ERI1: variants seen among roughly 807,000 people sequenced by gnomAD.
The protein encoded by ERI1 is 3'-5' exoribonuclease 1.
A neutral mutation model predicts 39.7 loss-of-function variants in ERI1; 39 were observed. That is an observed-to-expected ratio of 0.98 (90% CI 0.76 to 1.28). The LOEUF is 1.28. ERI1 is among the 50% of genes most tolerant of loss of function. ERI1 has a pLI of 0.00. For missense variants in ERI1, 581 were observed against 416.9 expected (o/e 1.39, Z -3.43); for synonymous variants, 204 against 149.6 (o/e 1.36, Z -2.65).
At chr8:9,019,752 G>T (rs1444541906) in intron 5 of ERI1, among the ~76,000 whole-genome samples, 1 of 152,136 alleles carries the variant, frequency 6.6e-6, no homozygotes, top group Non-Finnish European at 1.5e-5. Flanking sequence ...CCTGTTCCCA[G>T]TATAGCAGCT....
rs1797528939 is a variant in ERI1 at position 9,030,732 on chromosome 8, G to T, written c.*698G>T. On this transcript the variant is annotated 3_prime_UTR_variant, in exon 7 of 7. Coordinates refer to ENST00000250263, the MANE Select transcript of ERI1 (RefSeq NM_153332.4). ...ACTTCATAATACATAAATCACTGGG[G>T]TCTTTTTGGATTTGGTTGTTTGATT... The T allele has an allele frequency of 6.6e-6, 1 of 152,062 alleles. No individual in the cohort carries two copies. The highest frequency in any genetic ancestry group is 1.5e-5 in the Non-Finnish European group (1 of 67,988). The allele number at this position is 152,062 out of a possible 1,614,324, so 9.4% of individuals were successfully genotyped here.
At chr8:9,056,958 C>T (rs1798527593) in intron 3 of ERI1, among the ~76,000 whole-genome samples, 3 of 152,130 alleles carry the variant, frequency 2.0e-5, no homozygotes, top group South Asian at 2.1e-4. Flanking sequence ...CTCAGCCTCC[C>T]GAGTAGCTGG....
intron 3 of ERI1, among the ~76,000 whole-genome samples, chr8:9,074,424 C>G (rs1478792220): frequency 6.6e-6 from 1 of 151,896 alleles, no homozygotes; most frequent in Admixed American, 6.6e-5. Context: ...TGCACCTGAT[C>G]CATATTTTTA....
At chr8:9,007,843 T>C (rs544514252) in intron 1 of ERI1, 127 bp from the exon 2 acceptor site, 3 of 1,386,996 alleles carry the variant, frequency 2.2e-6, no homozygotes, top group Non-Finnish European at 2.9e-6. Context: ...CAGTGAACAC[T>C]TTTCATTGAA....
chr8:9,085,254 G>C (rs552094773), intron 3 of ERI1, among the ~76,000 whole-genome samples: 1 of 152,134 alleles, frequency 6.6e-6, no homozygotes, highest in Non-Finnish European at 1.5e-5. Context: ...TGTCACCCAG[G>C]CTGGAGTGCA....
At chr8:9,011,847 A>G (rs1397051928) in intron 3 of ERI1, 95 bp downstream of exon 3, 4 of 875,790 alleles carry the variant, frequency 4.6e-6, no homozygotes, top group South Asian at 2.1e-5. Context: ...TTTAGCCAGA[A>G]TTAGACTTCT....
intron 3 of ERI1, among the ~76,000 whole-genome samples, chr8:9,015,063 C>G (rs543863919): frequency 6.6e-6 from 1 of 152,272 alleles, no homozygotes; most frequent in South Asian, 2.1e-4. Flanking sequence ...TCTTGAACTC[C>G]TGACCTCAAG....
chr8:9,043,330 T>A (rs1233379829), intron 3 of ERI1, among the ~76,000 whole-genome samples: 1 of 152,172 alleles, frequency 6.6e-6, no homozygotes, highest in African/African-American at 2.4e-5. Context: ...CAAGCCCAGC[T>A]TTTGTGACGC....
chr8:9,086,609 A>G (rs1799535507), intron 3 of ERI1, among the ~76,000 whole-genome samples: 1 of 152,224 alleles, frequency 6.6e-6, no homozygotes, highest in African/African-American at 2.4e-5. Context: ...TTAAGAATGC[A>G]TTGTAACAAA....
chr8:9,051,316 AG>A (rs745739099), intron 3 of ERI1, among the ~76,000 whole-genome samples: 2 of 151,998 alleles, frequency 1.3e-5, no homozygotes, highest in South Asian at 4.2e-4. Flanking sequence ...TCACATGGTG[AG>A]GGGGCTGAAA....
chr8:9,002,967 A>C lies in ERI1; in HGVS notation c.-97A>C. 2.2e-6 allele frequency: 2 copies of C among 893,554 alleles called. No homozygotes were observed. Among genetic ancestry groups the C allele is most frequent in the South Asian group, 5.9e-5 (1 of 16,966 alleles). 55.4% of individuals were successfully genotyped at this position (893,554 alleles called of 1,614,324 possible). ...GCCGCCGCGGGAACGCGAGCCCGGT[A>C]ATTTTTCAACGGAGAAAGGCGAGGC... On this transcript the variant is annotated 5_prime_UTR_variant, in exon 1 of 7. Transcript: ENST00000250263.
chr8:9,099,414 A>C (rs894736142), intron 3 of ERI1, among the ~76,000 whole-genome samples: 1 of 151,930 alleles, frequency 6.6e-6, no homozygotes, highest in Non-Finnish European at 1.5e-5. Context: ...TGGACAATAT[A>C]GTGAGACTTT....
intron 2 of ERI1, among the ~76,000 whole-genome samples, chr8:9,011,026 G>T (rs1241988458): frequency 6.6e-6 from 1 of 152,044 alleles, no homozygotes; most frequent in Non-Finnish European, 1.5e-5. Context: ...TATATGCTAG[G>T]CTCATAATGC....
intron 6 of ERI1, among the ~76,000 whole-genome samples, chr8:9,022,105 C>G (rs1041877595): frequency 1.3e-5 from 2 of 151,926 alleles, no homozygotes; most frequent in African/African-American, 4.8e-5. Context: ...CCAGTTTGCA[C>G]TCTTATCAGT....
chr8:9,052,211 C>T (rs984267612), intron 3 of ERI1, among the ~76,000 whole-genome samples: 2 of 152,206 alleles, frequency 1.3e-5, no homozygotes, highest in Admixed American at 6.5e-5. Context: ...CTGTGAGTTT[C>T]AGCTACTGCT....
rs527390304 is a variant in ERI1, at chr8:9,056,563, A to T, written n.299+36099A>T. 4.6e-5 allele frequency among the ~76,000 whole-genome samples: 7 copies of T among 152,330 alleles called. No individual in the cohort carries two copies. In the South Asian group the frequency reaches 1.2e-3, roughly 27 times the overall value. On this transcript the variant is annotated intron_variant and non_coding_transcript_variant, in intron 3 of 3. Transcript: ENST00000518663. ...CCACATTTAAGGTAAATTCCCACAA[A>T]TGAATTCCTCAACATCTTAAGGCTT... is the stretch of plus-strand genomic sequence containing the variant.
At chr8:9,085,939 T>A (rs1036474528) in intron 3 of ERI1, among the ~76,000 whole-genome samples, 4 of 152,108 alleles carry the variant, frequency 2.6e-5, no homozygotes. Flanking sequence ...ATGCTTTTTT[T>A]AAAGTGTGTG....
At chr8:9,089,299 C>A (rs1799631602) in intron 3 of ERI1, among the ~76,000 whole-genome samples, 1 of 152,152 alleles carries the variant, frequency 6.6e-6, no homozygotes, top group Non-Finnish European at 1.5e-5. Flanking sequence ...GAGATGGGGT[C>A]TTGCTGTGTT....
intron 3 of ERI1, among the ~76,000 whole-genome samples, chr8:9,094,740 C>T (rs764489871): frequency 1.1e-4 from 17 of 152,232 alleles, no homozygotes; most frequent in Middle Eastern, 3.4e-3. Flanking sequence ...TCCTGTAGGA[C>T]GGGCCCTTCC....
Sources: gnomAD v4.1 joint callset for allele counts (sites outside exome capture counted in the v4.1 genomes callset) on GRCh38, gnomAD v4.1.1 for gene constraint, MANE v1.5 for transcripts, NCBI Gene and HGNC (gene_info 2026-07-23, HGNC 2026-07-21) for gene names.